Variants in INPP5A observed in about 807,000 individuals in gnomAD.
INPP5A encodes 43 kDa inositol polyphosphate 5-phophatase.
Under a neutral mutation model 65.2 loss-of-function variants are expected in INPP5A, and 14 were observed. The ratio of observed to expected loss-of-function variants is 0.21; its 90% CI spans 0.14 to 0.34. INPP5A has a LOEUF of 0.34. Among genes scored for constraint, INPP5A ranks in the 10% least tolerant of loss-of-function variants. INPP5A has a pLI of 1.00. For synonymous variants in INPP5A, 207 were observed against 208.3 expected, an observed-to-expected ratio of 0.99 and a Z score of 0.05; for missense variants, 431 against 545.6, an observed-to-expected ratio of 0.79 and a Z score of 2.09.
intron 1 of INPP5A, among the ~76,000 whole-genome samples, chr10:132,560,653 G>A (rs1261493924): frequency 6.6e-6 from 1 of 152,104 alleles, no homozygotes. Context: ...AGGCCGGAGG[G>A]CAGTGGTGCG....
At chr10:132,699,056 C>T (rs1040378379) in intron 6 of INPP5A, among the ~76,000 whole-genome samples, 2 of 152,248 alleles carry the variant, frequency 1.3e-5, no homozygotes, top group Admixed American at 1.3e-4. Context: ...GTTTGCCTCC[C>T]TCCGCTCCGG....
intron 1 of INPP5A, among the ~76,000 whole-genome samples, chr10:132,564,619 G>T (rs927920716): frequency 6.6e-6 from 1 of 152,212 alleles, no homozygotes; most frequent in Non-Finnish European, 1.5e-5. Flanking sequence ...TAACAAGAGT[G>T]TATTTTAACT....
chr10:132,588,541 G>A (rs931922229), intron 1 of INPP5A, among the ~76,000 whole-genome samples: 1 of 152,258 alleles, frequency 6.6e-6, no homozygotes, highest in Admixed American at 6.5e-5. Context: ...ACAGGGATAA[G>A]CGAGTCGTGC....
At chr10:132,713,260 A>G (rs553043628) in intron 8 of INPP5A, among the ~76,000 whole-genome samples, 2 of 152,170 alleles carry the variant, frequency 1.3e-5, no homozygotes, top group African/African-American at 2.4e-5. Context: ...GCATGTGCAC[A>G]TAAGTGTGTA....
chr10:132,642,356 C>T (rs752653769), intron 2 of INPP5A, among the ~76,000 whole-genome samples: 1 of 152,160 alleles, frequency 6.6e-6, no homozygotes, highest in Non-Finnish European at 1.5e-5. Context: ...CCACGCGGTT[C>T]GCCGGCCATC....
chr10:132,600,050 GGA>G (rs2071756330), intron 1 of INPP5A, among the ~76,000 whole-genome samples: 1 of 152,204 alleles, frequency 6.6e-6, no homozygotes, highest in South Asian at 2.1e-4. Flanking sequence ...GATGTGGCCT[GGA>G]GACATTTTCC....
At chr10:132,552,311 C>T in intron 1 of INPP5A, among the ~76,000 whole-genome samples, 1 of 144,184 alleles carries the variant, frequency 6.9e-6, no homozygotes, top group African/African-American at 2.6e-5. Context: ...CTTCTCAGAG[C>T]CTTGGTGGCA....
chr10:132,682,156 G>C (rs1422246045), intron 4 of INPP5A, among the ~76,000 whole-genome samples: 2 of 152,004 alleles, frequency 1.3e-5, no homozygotes, highest in East Asian at 3.9e-4. Context: ...GCGTCCTGGA[G>C]GTGGGAAGGT....
At position 132,645,956 on chromosome 10, in the gene INPP5A, A is replaced by G. The variant is rs1408131806; in HGVS notation, c.206A>G (p.Asp69Gly). ...KNYEASMSHV[D>G]KFVKELLSSD... ...TACGAGGCCTCCATGTCCCACGTGG[A>G]CAAGTTCGTCAAGTAAGTCTAGGGG... The change falls in exon 3 of 16, where the codon GAC (aspartate) becomes GGC (glycine). Residue 69 changes from aspartate (D) to glycine (G), a missense_variant. Coordinates refer to ENST00000368594, the MANE Select transcript of INPP5A (RefSeq NM_005539.5). 3.7e-6 allele frequency: 6 copies of G among 1,613,036 alleles called. No individual in the cohort carries two copies. Among genetic ancestry groups the G allele is most frequent in the Non-Finnish European group, 5.1e-6 (6 of 1,179,262 alleles).
chr10:132,572,611 C>A (rs925729862), intron 1 of INPP5A, among the ~76,000 whole-genome samples: 12 of 152,204 alleles, frequency 7.9e-5, no homozygotes, highest in Middle Eastern at 6.8e-3. Context: ...ATGTGTCTAG[C>A]CCTTGGGAAG....
intron 4 of INPP5A, among the ~76,000 whole-genome samples, chr10:132,684,723 G>T (rs1022422841): frequency 6.6e-6 from 1 of 152,232 alleles, no homozygotes; most frequent in East Asian, 1.9e-4. Context: ...TAATGAGGAC[G>T]GAACGTCAGG....
intron 2 of INPP5A, among the ~76,000 whole-genome samples, chr10:132,621,855 G>A (rs959844057): frequency 5.3e-5 from 8 of 151,422 alleles, no homozygotes; most frequent in South Asian, 2.1e-4. Context: ...TTTGCCTCAC[G>A]CAATTCCTAG....
intron 8 of INPP5A, among the ~76,000 whole-genome samples, chr10:132,717,333 G>A (rs1210941767): frequency 1.4e-5 from 2 of 146,820 alleles, no homozygotes; most frequent in East Asian, 1.9e-4. Flanking sequence ...AAGTCAGGGG[G>A]CCTTTGGGTG....
At chr10:132,688,183 C>A (rs1240713265) in intron 4 of INPP5A, among the ~76,000 whole-genome samples, 1 of 152,198 alleles carries the variant, frequency 6.6e-6, no homozygotes, top group Non-Finnish European at 1.5e-5. Flanking sequence ...GGGCTGCAGA[C>A]AGGGACCAGG....
At chr10:132,780,776 C>A in intron 13 of INPP5A, 73 bp from the exon 14 acceptor site, 1 of 1,207,488 alleles carries the variant, frequency 8.3e-7, no homozygotes, top group Non-Finnish European at 1.2e-6. Context: ...CCTGATGTTC[C>A]TGCCAGTCAG....
chr10:132,727,017 G>C lies in INPP5A; in HGVS notation c.732+112G>C. 1.5e-6 allele frequency: 1 copy of C among 656,188 alleles called. No homozygotes were observed. The highest frequency in any genetic ancestry group is 2.4e-5 in the South Asian group (1 of 41,386). 40.6% of individuals were successfully genotyped at this position (656,188 alleles called of 1,614,324 possible). A position where few individuals can be genotyped will look rare whatever the true frequency, so the allele number is the denominator to read the frequency against. On this transcript the variant is annotated intron_variant, in intron 9 of 15. Coordinates refer to ENST00000368594, the MANE Select transcript of INPP5A (RefSeq NM_005539.5). The surrounding 1 kb of genome is among the most constrained non-coding windows in gnomAD (Gnocchi z 6.5). ...ACTTTCAATGCCATCCGCCTCCCGGGATGCACTTTTTAAGGCAAAACCTTT... is the reference window on the plus strand; with the variant it reads ...ACTTTCAATGCCATCCGCCTCCCGGCATGCACTTTTTAAGGCAAAACCTTT...
chr10:132,708,280 C>G (rs755820164), intron 6 of INPP5A, 33 bp from the exon 7 acceptor site: 3 of 1,610,424 alleles, frequency 1.9e-6, no homozygotes, highest in African/African-American at 1.3e-5. Context: ...CTCACTTACT[C>G]TGGCTCATTT....
intron 2 of INPP5A, among the ~76,000 whole-genome samples, chr10:132,624,603 C>T (rs562902272): frequency 1.3e-5 from 2 of 152,320 alleles, no homozygotes; most frequent in Non-Finnish European, 2.9e-5. Flanking sequence ...CTGTGCGGTT[C>T]CTCCCATTCC....
intron 12 of INPP5A, among the ~76,000 whole-genome samples, chr10:132,771,089 A>G (rs1379403513): frequency 6.6e-6 from 1 of 152,184 alleles, no homozygotes; most frequent in Admixed American, 6.5e-5. Context: ...CTAAGTTACC[A>G]CAGTCTGTCT....
Sources: allele counts gnomAD v4.1 joint callset (sites outside exome capture counted in the v4.1 genomes callset), GRCh38; gene constraint gnomAD v4.1.1; non-coding constraint Gnocchi (gnomAD v3.1); transcripts MANE v1.5; gene names NCBI Gene and HGNC (gene_info 2026-07-23, HGNC 2026-07-21).